The following TMEM41B variants were observed in gnomAD, a reference collection of about 807,000 sequenced individuals.
The protein encoded by TMEM41B is protein stasimon.
Under a neutral mutation model 31.9 loss-of-function variants are expected in TMEM41B, and 18 were observed. That is an observed-to-expected ratio of 0.56 (90% CI 0.39 to 0.84). The LOEUF is 0.84. Ranked by LOEUF, TMEM41B falls within the 40% of genes least tolerant of loss-of-function variation. The pLI, the probability that TMEM41B is intolerant of heterozygous loss-of-function variation, is 0.00. For missense variants in TMEM41B, 322 were observed against 348.0 expected (o/e 0.93, Z 0.59); for synonymous variants, 144 against 124.3 (o/e 1.16, Z -1.05).
chr11:9,295,456 C>T (rs1206193222), intron 2 of TMEM41B, 69 bp from the exon 3 acceptor site: 7 of 871,774 alleles, frequency 8.0e-6, no homozygotes, highest in African/African-American at 1.7e-5. Context: ...AAGTTCACAA[C>T]ATGAAGTTTT....
chr11:9,298,486 T>G (rs1391136968), intron 2 of TMEM41B, among the ~76,000 whole-genome samples: 2 of 148,638 alleles, frequency 1.3e-5, no homozygotes, highest in Non-Finnish European at 3.0e-5. Context: ...AATTGTGGGC[T>G]GGGCACAGTG....
intron 3 of TMEM41B, among the ~76,000 whole-genome samples, chr11:9,294,488 CAAAAAAAAA>C (rs61211297): frequency 0.29 from 25,714 of 88,432 alleles, 2,668 homozygotes; most frequent in East Asian, 0.49. Flanking sequence ...AACTCCATCT[CAAAAAAAAA>C]AAAAAAAAGT....
Position 9,302,973 on chromosome 11 carries a change from T to C in TMEM41B, c.122-3272A>G, listed in dbSNP as rs1373455581. On this transcript the variant is annotated intron_variant, in intron 1 of 6. Transcript: ENST00000528080. ...CGGCCTGGGCAACACAGTGAGACCC[T>C]ATCTCTAAAAGGAACCAAATAATGT... 3.0e-5 allele frequency among the ~76,000 whole-genome samples: 3 copies of C among 100,404 alleles called. 1 individual carries two copies. The highest frequency in any genetic ancestry group is 6.4e-4 in the East Asian group (2 of 3,118). 65.9% of individuals were successfully genotyped at this position (100,404 alleles called of 152,430 possible).
chr11:9,300,920 A>G (rs1038491901), intron 1 of TMEM41B, among the ~76,000 whole-genome samples: 3 of 151,952 alleles, frequency 2.0e-5, no homozygotes, highest in Admixed American at 6.6e-5. Flanking sequence ...ATGGAATGAG[A>G]TTCCAGAAGC....
intron 5 of TMEM41B, among the ~76,000 whole-genome samples, 153 bp downstream of exon 5, chr11:9,287,549 T>C (rs1408743893): frequency 6.6e-6 from 1 of 152,246 alleles, no homozygotes; most frequent in African/African-American, 2.4e-5. Context: ...ACCACCCATT[T>C]TTATTTGGTC....
At chr11:9,305,361 G>T (rs889576751) in intron 1 of TMEM41B, among the ~76,000 whole-genome samples, 1 of 152,126 alleles carries the variant, frequency 6.6e-6, no homozygotes, top group East Asian at 1.9e-4. Flanking sequence ...CACTTTGGAA[G>T]GCCACGGTGG....
In TMEM41B at chr11:9,292,642, G is replaced by A. The variant is rs767414402; in HGVS notation, c.368+2617C>T. Among the ~76,000 whole-genome samples, 88 of 151,912 alleles carry A rather than the reference G, an allele frequency of 5.8e-4. 1 individual carries two copies. The highest frequency in any genetic ancestry group is 6.2e-4 in the Non-Finnish European group (42 of 67,996). On this transcript the variant is annotated intron_variant, in intron 3 of 6. Coordinates refer to ENST00000528080, the MANE Select transcript of TMEM41B (RefSeq NM_015012.4). The stretch of plus-strand genomic sequence containing the variant: ...GAGTTCCAGTTCGAGACCAGCCTGG[G>A]CAACATGATGAAATCCCATCGCTAC...
intron 6 of TMEM41B, among the ~76,000 whole-genome samples, chr11:9,286,242 GTTC>G (rs1380767585): frequency 3.3e-5 from 5 of 152,120 alleles, no homozygotes; most frequent in Admixed American, 1.3e-4. Flanking sequence ...AGTAGAAAGT[GTTC>G]TTCTTTAAAG....
chr11:9,287,494 G>A (rs571918182), intron 5 of TMEM41B, among the ~76,000 whole-genome samples: 2 of 152,246 alleles, frequency 1.3e-5, no homozygotes, highest in South Asian at 4.1e-4. Flanking sequence ...ACCATCACAG[G>A]TCTGAAACAT....
chr11:9,305,561 T>C (rs990797521), intron 1 of TMEM41B, among the ~76,000 whole-genome samples: 9 of 152,098 alleles, frequency 5.9e-5, no homozygotes, highest in South Asian at 2.1e-4. Context: ...AGTTGCGCCA[T>C]TGCACTCCAG....
At position 9,286,571 on chromosome 11, in the gene TMEM41B, A is replaced by C; in HGVS notation, c.590T>G (p.Leu197Arg). 6.2e-7 allele frequency: 1 copy of C among 1,611,148 alleles called. No homozygotes were observed. The highest frequency in any genetic ancestry group is 8.5e-7 in the Non-Finnish European group (1 of 1,178,954). Residue 197 changes from leucine to arginine, a missense_variant, in exon 6 of 7, where the codon CTC becomes CGC. This residue lies in a region of TMEM41B where 47 missense variants were observed against 84.8 expected (regional missense o/e 0.55). Transcript: ENST00000528080. ...SQQVERHREHLINYIIFLRIT... is the reference protein window; with the variant it reads ...SQQVERHREHRINYIIFLRIT... ...TCTCAAAAATATAATGTAGTTAATG[A>C]GATGTTCTCTATGACGTTCAACCTG... is the stretch of plus-strand genomic sequence containing the variant.
rs770249287 is a variant in TMEM41B, at chr11:9,283,327, G to C, written c.*97C>G. On this transcript the variant is annotated 3_prime_UTR_variant, in exon 7 of 7. Coordinates refer to ENST00000528080, the MANE Select transcript of TMEM41B (RefSeq NM_015012.4). Reference sequence around the variant, plus strand: ...GGAAATTTTATTTTACAAATTCCTTGTTTAATTACTGAAGAGGTGATTTTA... The same window carrying C: ...GGAAATTTTATTTTACAAATTCCTTCTTTAATTACTGAAGAGGTGATTTTA... 4.3e-6 allele frequency: 4 copies of C among 924,386 alleles called. No individual in the cohort carries two copies. Among genetic ancestry groups the C allele is most frequent in the Non-Finnish European group, 4.7e-6 (3 of 632,732 alleles). The allele number at this position is 924,386 out of a possible 1,614,324, so 57.3% of individuals were successfully genotyped here.
At chr11:9,301,521 A>T (rs1198004133) in intron 1 of TMEM41B, among the ~76,000 whole-genome samples, 1 of 152,150 alleles carries the variant, frequency 6.6e-6, no homozygotes, top group Non-Finnish European at 1.5e-5. Context: ...CTTCTTCATA[A>T]AAGTTTACAA....
chr11:9,283,684 A>G, intron 6 of TMEM41B, 91 bp from the exon 7 acceptor site: 1 of 1,119,686 alleles, frequency 8.9e-7, no homozygotes, highest in Non-Finnish European at 1.2e-6. Context: ...TTCTTAAAAC[A>G]ACACAGCTAT....
chr11:9,304,458 A>T (rs551251462), intron 1 of TMEM41B, among the ~76,000 whole-genome samples: 2 of 152,176 alleles, frequency 1.3e-5, no homozygotes, highest in African/African-American at 4.8e-5. Flanking sequence ...TATAAATATA[A>T]ACCCCATTTA....
Position 9,314,352 on chromosome 11 carries a change from G to A in TMEM41B, c.90C>T (p.Leu30=). The change falls in exon 1 of 7, where the codon CTC becomes CTT. Residue 30 remains leucine, a synonymous_variant. Transcript: ENST00000528080. The stretch of plus-strand genomic sequence containing the variant: ...GGTGGTCTCTGCTGCCAGGCGCCGC[G>A]AGACCCCGCGTCCCCGCTGCCCCGT... ...VGDGAAGTRG[L]AAPGSRDHQK... 6.3e-7 allele frequency: 1 copy of A among 1,592,604 alleles called. No homozygotes were observed.
At chr11:9,285,812 CAAAA>C (rs59531093) in intron 6 of TMEM41B, among the ~76,000 whole-genome samples, 2 of 70,650 alleles carry the variant, frequency 2.8e-5, no homozygotes, top group Admixed American at 1.6e-4. Flanking sequence ...GCAACATTTA[CAAAA>C]AAAAAAAAAA....
intron 2 of TMEM41B, among the ~76,000 whole-genome samples, chr11:9,298,316 G>C (rs1453081790): frequency 6.6e-6 from 1 of 150,440 alleles, no homozygotes; most frequent in African/African-American, 2.4e-5. Flanking sequence ...AAAATTAGCC[G>C]GGTGTGGTGG....
intron 3 of TMEM41B, among the ~76,000 whole-genome samples, chr11:9,289,230 C>A (rs569838378): frequency 2.6e-5 from 4 of 152,216 alleles, no homozygotes; most frequent in African/African-American, 7.2e-5. Flanking sequence ...CTCCTGGGCT[C>A]AAACGATCCT....
Sources: gnomAD v4.1 joint callset for allele counts (sites outside exome capture counted in the v4.1 genomes callset) on GRCh38, gnomAD v4.1.1 for gene constraint, gnomAD v4.1.1 regional missense constraint, MANE v1.5 for transcripts, NCBI Gene and HGNC (gene_info 2026-07-23, HGNC 2026-07-21) for gene names.